BCL7A: variants seen among roughly 807,000 people sequenced by gnomAD.
BCL7A encodes the protein B-cell CLL/lymphoma 7 protein family member A.
A neutral mutation model predicts 28.4 loss-of-function variants in BCL7A; 11 were observed. That is an observed-to-expected ratio of 0.39 (90% CI 0.24 to 0.64). The LOEUF is 0.64. Among genes scored for constraint, BCL7A ranks in the 30% least tolerant of loss-of-function variants. The pLI, the probability that BCL7A is intolerant of heterozygous loss-of-function variation, is 0.50. For missense variants in BCL7A, 222 were observed against 274.8 expected (o/e 0.81, Z 1.36); for synonymous variants, 123 against 103.3 (o/e 1.19, Z -1.15).
chr12:122,054,670 C>G (rs1884271238), intron 4 of BCL7A, 135 bp from the exon 5 acceptor site: 3 of 847,616 alleles, frequency 3.5e-6, no homozygotes, highest in Non-Finnish European at 5.6e-6. Context: ...GCCCTCCAGC[C>G]CCCCAGCTCA....
chr12:122,022,706 G>T (rs1250299667), intron 1 of BCL7A, among the ~76,000 whole-genome samples: 2 of 148,502 alleles, frequency 1.3e-5, no homozygotes, highest in Admixed American at 6.7e-5. Flanking sequence ...CGGCCCGCCC[G>T]GCCGCCCGCT....
intron 4 of BCL7A, among the ~76,000 whole-genome samples, chr12:122,048,817 C>T (rs887056483): frequency 2.6e-5 from 4 of 151,504 alleles, no homozygotes; most frequent in Non-Finnish European, 4.4e-5. Context: ...GTCAGGAGTT[C>T]GAGACCAGCC....
chr12:122,031,188 A>G (rs1883736089), intron 2 of BCL7A, among the ~76,000 whole-genome samples: 1 of 152,038 alleles, frequency 6.6e-6, no homozygotes, highest in African/African-American at 2.4e-5. Flanking sequence ...CACCACACCC[A>G]GCCAATTTTT....
rs1183890858 is a variant in BCL7A, at chr12:122,041,890, G to A, written c.272-1996G>A. Among the ~76,000 whole-genome samples, 3 of 152,150 alleles carry A rather than the reference G, an allele frequency of 2.0e-5. 1 individual carries two copies. Among genetic ancestry groups the A allele is most frequent in the South Asian group, 4.1e-4 (2 of 4,830 alleles). ...CAAGAGCAAGCCTGACCAACATGGC[G>A]AAACCCCGTCTCTACTAAAAAATAA... On this transcript the variant is annotated intron_variant, in intron 3 of 5. Transcript: ENST00000261822.
intron 2 of BCL7A, among the ~76,000 whole-genome samples, chr12:122,031,259 C>A (rs1296209669): frequency 6.6e-6 from 1 of 152,136 alleles, no homozygotes; most frequent in Non-Finnish European, 1.5e-5. Context: ...GAACTCCTGA[C>A]CTCGGGTGAT....
At chr12:122,022,989 T>C (rs2135833891) in intron 1 of BCL7A, among the ~76,000 whole-genome samples, 1 of 152,124 alleles carries the variant, frequency 6.6e-6, no homozygotes, top group African/African-American at 2.4e-5. Context: ...GAGCTCGTGT[T>C]TGTTTTGCGG....
At chr12:122,023,329 C>T (rs567234000) in intron 1 of BCL7A, among the ~76,000 whole-genome samples, 4 of 152,186 alleles carry the variant, frequency 2.6e-5, no homozygotes, top group Non-Finnish European at 5.9e-5. Flanking sequence ...CCCGCGGGCT[C>T]GTCTCGACCC....
intron 3 of BCL7A, among the ~76,000 whole-genome samples, chr12:122,038,431 C>CACAAAAAAAAA (rs1883900095): frequency 3.0e-5 from 1 of 33,560 alleles, no homozygotes; most frequent in African/African-American, 7.4e-5. Context: ...GACTCTGCCT[C>CACAAAAAAAAA]AAAAAAAAAA....
rs1351835893 is a variant in BCL7A at position 122,035,508 on chromosome 12, G to T, written c.271+81G>T. On this transcript the variant is annotated intron_variant, in intron 3 of 5. Transcript: ENST00000261822. ...ACTCGGTCATGTTTTTGTTTCTCCA[G>T]CAGGTTTGTTCACATTCCAGGCAAG... 8 of 1,355,658 alleles carry T rather than the reference G, an allele frequency of 5.9e-6. No homozygotes were observed. In the Admixed American group the frequency reaches 1.2e-4, roughly 20 times the overall value. The allele number at this position is 1,355,658 out of a possible 1,614,324, so 84.0% of individuals were successfully genotyped here. A position where few individuals can be genotyped will look rare whatever the true frequency, so the allele number is the denominator to read the frequency against.
chr12:122,031,422 C>T (rs1264663249), intron 2 of BCL7A, among the ~76,000 whole-genome samples: 1 of 152,160 alleles, frequency 6.6e-6, no homozygotes, highest in East Asian at 1.9e-4. Context: ...GCACGTTCTC[C>T]CCACCTTTGT....
In BCL7A at chr12:122,021,916, T is replaced by TTGTGTGTGTGTA. The variant is rs1399404559; in HGVS notation, c.-165_-164insATGTGTGTGTGT. The TTGTGTGTGTGTA allele has an allele frequency of 3.4e-5, 12 of 353,920 alleles. No homozygotes were observed. The highest frequency in any genetic ancestry group is 1.5e-4 in the East Asian group (3 of 20,574). The allele number at this position is 353,920 out of a possible 1,614,324, so 21.9% of individuals were successfully genotyped here. Reference sequence around the variant, plus strand: ...GCCAGGCGCGCGGCGGCCCCGGGCTTTGTGTGTGTGTGTATGTGTGTGTGT... The same window carrying TTGTGTGTGTGTA: ...GCCAGGCGCGCGGCGGCCCCGGGCTTTGTGTGTGTGTATGTGTGTGTGTGTATGTGTGTGTGT... On this transcript the variant is annotated 5_prime_UTR_variant, in exon 1 of 6. The change creates a new upstream start codon in the 5' untranslated region. Coordinates refer to ENST00000261822, the MANE Select transcript of BCL7A (RefSeq NM_001024808.3).
intron 4 of BCL7A, 42 bp downstream of exon 4, chr12:122,044,095 A>G (rs777139763): frequency 1.3e-6 from 2 of 1,585,572 alleles, no homozygotes; most frequent in Admixed American, 1.7e-5. Flanking sequence ...GCCTCCCTGT[A>G]ACCGGCCTTC....
intron 1 of BCL7A, among the ~76,000 whole-genome samples, chr12:122,025,157 A>T (rs1883589650): frequency 6.6e-6 from 1 of 152,134 alleles, no homozygotes; most frequent in South Asian, 2.1e-4. Flanking sequence ...CTGGTGGAGG[A>T]GAGAAGACCC....
intron 1 of BCL7A, among the ~76,000 whole-genome samples, chr12:122,023,445 G>A (rs1883523870): frequency 6.6e-6 from 1 of 152,188 alleles, no homozygotes; most frequent in Admixed American, 6.5e-5. Context: ...CACTGGGGGC[G>A]AGCCTCCGGT....
intron 5 of BCL7A, 59 bp downstream of exon 5, chr12:122,054,985 C>CG: frequency 6.2e-7 from 1 of 1,613,412 alleles, no homozygotes; most frequent in African/African-American, 1.3e-5. Context: ...ATTGGGTTGT[C>CG]GGGGGTACGT....
At chr12:122,040,639 T>C (rs1883947360) in intron 3 of BCL7A, among the ~76,000 whole-genome samples, 1 of 151,822 alleles carries the variant, frequency 6.6e-6, no homozygotes, top group African/African-American at 2.4e-5. Flanking sequence ...AGGTGCCCTG[T>C]TGACTTTCTG....
chr12:122,057,853 C>T (rs1951889232), intron 5 of BCL7A, among the ~76,000 whole-genome samples: 1 of 152,122 alleles, frequency 6.6e-6, no homozygotes, highest in African/African-American at 2.4e-5. Flanking sequence ...GAGCAGGAGT[C>T]TACATGGCAG....
intron 4 of BCL7A, among the ~76,000 whole-genome samples, chr12:122,054,047 A>G (rs1004912822): frequency 6.6e-6 from 1 of 152,112 alleles, no homozygotes; most frequent in Non-Finnish European, 1.5e-5. Context: ...GTTTCCTGCA[A>G]TGGTCAGTCA....
chr12:122,044,856 G>A (rs34123785), intron 4 of BCL7A, among the ~76,000 whole-genome samples: 29,616 of 152,044 alleles, frequency 0.19, 3,456 homozygotes, highest in East Asian at 0.34. Flanking sequence ...AATTTTAAAT[G>A]TATTTAAAAA....
Sources: allele counts gnomAD v4.1 joint callset (sites outside exome capture counted in the v4.1 genomes callset), GRCh38; gene constraint gnomAD v4.1.1; transcripts MANE v1.5; gene names NCBI Gene and HGNC (gene_info 2026-07-23, HGNC 2026-07-21).